The following DUS3L variants were observed in gnomAD, a reference collection of about 807,000 sequenced individuals.
The protein encoded by DUS3L is dihydrouridine synthase 3 like.
A neutral mutation model predicts 74.6 loss-of-function variants in DUS3L; 62 were observed. The ratio of observed to expected loss-of-function variants is 0.83; its 90% CI spans 0.68 to 1.03. The LOEUF (loss-of-function observed/expected upper bound fraction) is 1.03. Among genes scored for constraint, DUS3L ranks in the 50% least tolerant of loss-of-function variants. The pLI is 0.00. For missense variants in DUS3L, 884 were observed against 924.4 expected, an observed-to-expected ratio of 0.96 and a Z score of 0.57; for synonymous variants, 433 against 395.7, an observed-to-expected ratio of 1.09 and a Z score of -1.12.
chr19:5,789,956 G>T (rs764608689), intron 2 of DUS3L, 91 bp downstream of exon 2: 3 of 1,536,668 alleles, frequency 2.0e-6, no homozygotes, highest in Non-Finnish European at 2.7e-6. Context: ...CGTTGCTGAA[G>T]GCCCAGGAGC....
intron 8 of DUS3L, 74 bp from the exon 9 acceptor site, chr19:5,786,919 G>A: frequency 6.6e-7 from 1 of 1,519,386 alleles, no homozygotes; most frequent in Non-Finnish European, 8.8e-7. Flanking sequence ...AGAGAGCCAG[G>A]CTGAGAGAGA....
chr19:5,787,194 G>GGTGGGAGATGGTGGGAGGGC, intron 7 of DUS3L, 23 bp from the exon 8 acceptor site: 2 of 324,628 alleles, frequency 6.2e-6, no homozygotes, highest in South Asian at 4.1e-5. Flanking sequence ...GGTGGGAGGT[G>GGTGGGAGATGGTGGGAGGGC]GTGGGAGATG....
rs748013222 is a variant in DUS3L, at chr19:5,785,253, G to T, written c.1903C>A (p.Pro635Thr). ...TTCGGCAAGAAGGCGAAGCTGGGGG[G>T]CACTGGCCCAAGGAGCATCTCGCTG... Reference protein sequence around the residue: ...RISEMLLGPVPPSFAFLPKHK... With the variant: ...RISEMLLGPVTPSFAFLPKHK... Residue 635 changes from proline to threonine, a missense_variant, in exon 13 of 13, where the codon CCC (proline) becomes ACC (threonine). Pro to Thr is a conservative substitution (Grantham distance 38). Transcript: ENST00000309061. 3 of 1,610,748 alleles carry T rather than the reference G, an allele frequency of 1.9e-6. No homozygotes were observed. The highest frequency in any genetic ancestry group is 1.7e-4 in the Middle Eastern group (1 of 6,052).
intron 1 of DUS3L, 82 bp from the exon 2 acceptor site, chr19:5,790,417 C>T: frequency 6.5e-7 from 1 of 1,534,652 alleles, no homozygotes; most frequent in Non-Finnish European, 8.9e-7. Context: ...ACTTGCACGT[C>T]CTTAAATCCT....
intron 1 of DUS3L, 113 bp from the exon 2 acceptor site, chr19:5,790,448 T>G: frequency 7.5e-7 from 1 of 1,332,356 alleles, no homozygotes; most frequent in Non-Finnish European, 1.0e-6. Context: ...GGGAGCTCAC[T>G]ACTTAAGAAC....
Position 5,787,333 on chromosome 19 carries a change from G to A in DUS3L, c.1241C>T (p.Ser414Phe). 1 of 1,511,982 alleles carries A rather than the reference G, an allele frequency of 6.6e-7. No individual in the cohort carries two copies. 93.7% of individuals were successfully genotyped at this position (1,511,982 alleles called of 1,614,324 possible). Residue 414 changes from serine (S) to phenylalanine (F), a missense_variant, in exon 7 of 13, where the codon TCC (serine) becomes TTC (phenylalanine). Coordinates refer to ENST00000309061, the MANE Select transcript of DUS3L (RefSeq NM_020175.3). ...ACGGACGATCTGCTGGAACTTGGTG[G>A]AGCGATTCATGAGGGCACAGCCCCC... ...KGGGCALMNR[S>F]TKFQQIVRGM...
rs1363737209 is a variant in DUS3L, at chr19:5,785,283, A to C, written c.1881-8T>G. On this transcript the variant is annotated splice_polypyrimidine_tract_variant and splice_region_variant and intron_variant, in intron 12 of 12. Transcript: ENST00000309061. ...GGCCCAAGGAGCATCTCGCTGTGGG[A>C]GAGCAGGTGGAAAGCGAGGTCAGGC... The C allele has an allele frequency of 6.2e-7, 1 of 1,611,044 alleles. No homozygotes were observed. The highest frequency in any genetic ancestry group is 8.5e-7 in the Non-Finnish European group (1 of 1,179,334).
chr19:5,785,895 C>T (rs1161819505), intron 10 of DUS3L, 104 bp from the exon 11 acceptor site: 2 of 1,286,566 alleles, frequency 1.6e-6, no homozygotes, highest in East Asian at 2.6e-5. Flanking sequence ...GACCACAAAA[C>T]CTACAAGCCT....
intron 1 of DUS3L, 34 bp from the exon 2 acceptor site, chr19:5,790,369 A>T (rs767549426): frequency 2.5e-6 from 4 of 1,612,398 alleles, no homozygotes; most frequent in Non-Finnish European, 2.5e-6. Context: ...AACCCTCCGA[A>T]CATAGTCAAT....
Position 5,788,125 on chromosome 19 carries a change from T to A in DUS3L, c.994A>T (p.Thr332Ser). 1 of 1,613,666 alleles carries A rather than the reference T, an allele frequency of 6.2e-7. No individual in the cohort carries two copies. The highest frequency in any genetic ancestry group is 1.1e-5 in the South Asian group (1 of 91,086). ...RICKRFGADV[T>S]CGEMAVCTNL... ...GTGCAGACGGCCATCTCTCCACATG[T>A]CACATCCGCCCCGAAGCGCTTGCAG... The change falls in exon 5 of 13, where the codon ACA becomes TCA. Residue 332 changes from threonine to serine, a missense_variant. By Grantham distance (58) the Thr-to-Ser change is moderately conservative. Coordinates refer to ENST00000309061, the MANE Select transcript of DUS3L (RefSeq NM_020175.3).
At chr19:5,790,016 C>A (rs1462475467) in intron 2 of DUS3L, 31 bp downstream of exon 2, 2 of 1,606,606 alleles carry the variant, frequency 1.2e-6, no homozygotes, top group African/African-American at 1.3e-5. Context: ...CCTGCCTGCC[C>A]CGGCAGGAAT....
Position 5,785,921 on chromosome 19 carries a change from T to C in DUS3L, c.1563-130A>G, listed in dbSNP as rs567889004. On this transcript the variant is annotated intron_variant, in intron 10 of 12. Transcript: ENST00000309061. The stretch of plus-strand genomic sequence containing the variant: ...CTACAAGCCTAGTAAGCCTCCCAGC[T>C]GCATGCACACAACCTTCAAAGCACA... 1.8e-5 allele frequency: 18 copies of C among 975,232 alleles called. No homozygotes were observed. The South Asian group carries it at 3.2e-4, about 17-fold the overall frequency. The allele number at this position is 975,232 out of a possible 1,614,324, so 60.4% of individuals were successfully genotyped here. A position where few individuals can be genotyped will look rare whatever the true frequency, so the allele number is the denominator to read the frequency against.
intron 10 of DUS3L, 75 bp from the exon 11 acceptor site, chr19:5,785,866 T>G: frequency 4.9e-6 from 7 of 1,434,408 alleles, no homozygotes; most frequent in Admixed American, 2.6e-5. Flanking sequence ...TTCCATGGCC[T>G]GGCCTGAGCC....
At chr19:5,787,907 C>T (rs2056869978) in intron 5 of DUS3L, 117 bp downstream of exon 5, 1 of 1,491,876 alleles carries the variant, frequency 6.7e-7, no homozygotes, top group Non-Finnish European at 9.0e-7. Flanking sequence ...GCATCACCCC[C>T]ACTCCACAGC....
chr19:5,787,726 A>C (rs200477164), intron 5 of DUS3L, 21 bp from the exon 6 acceptor site: 105 of 1,610,200 alleles, frequency 6.5e-5, no homozygotes, highest in Admixed American at 4.2e-4. Flanking sequence ...GTAGTGGCAG[A>C]ACAGGAGGGT....
At chr19:5,790,739 G>A (rs1307127120) in intron 1 of DUS3L, 1 of 559,198 alleles carries the variant, frequency 1.8e-6, no homozygotes, top group Non-Finnish European at 3.2e-6. Flanking sequence ...AACGGCCGCT[G>A]GCAGAGCACA....
Position 5,785,602 on chromosome 19 carries a change from C to G in DUS3L, c.1751+1G>C, listed in dbSNP as rs775770770. 6.2e-7 allele frequency: 1 copy of G among 1,601,398 alleles called. No homozygotes were observed. Among genetic ancestry groups the G allele is most frequent in the Admixed American group, 1.7e-5 (1 of 58,684 alleles). On this transcript the variant is annotated splice_donor_variant, in intron 11 of 12. Transcript: ENST00000309061. LOFTEE classifies it high-confidence loss of function. ...CCACCCCAGCCAGCCCCGGTGCCCACCGGCACAGGAAGGACAGCCACTCGA... is the reference window on the plus strand; with the variant it reads ...CCACCCCAGCCAGCCCCGGTGCCCAGCGGCACAGGAAGGACAGCCACTCGA...
chr19:5,785,214 C>A lies in DUS3L; in HGVS notation c.1942G>T (p.Ala648Ser), dbSNP rs773871088. The change falls in exon 13 of 13, where the codon GCG (alanine) becomes TCG (serine). Residue 648 changes from alanine to serine, a missense_variant. Ala to Ser is a moderately conservative substitution (Grantham distance 99, BLOSUM62 1). Coordinates refer to ENST00000309061, the MANE Select transcript of DUS3L (RefSeq NM_020175.3). ...GGGAAAGCCTGAGGCTACTTGTACG[C>A]GTTGGCCTTGTGCTTCGGCAAGAAG... ...FAFLPKHKANAYK is the reference protein window; with the variant it reads ...FAFLPKHKANSYK 2 of 1,607,954 alleles carry A rather than the reference C, an allele frequency of 1.2e-6. No homozygotes were observed. Among genetic ancestry groups the A allele is most frequent in the African/African-American group, 1.3e-5 (1 of 74,884 alleles).
Position 5,786,789 on chromosome 19 carries a change from G to T in DUS3L, c.1446C>A (p.Ile482=). The T allele has an allele frequency of 6.2e-7, 1 of 1,612,210 alleles. No individual in the cohort carries two copies. The highest frequency in any genetic ancestry group is 1.7e-4 in the Middle Eastern group (1 of 6,058). The change falls in exon 9 of 13, where the codon ATC becomes ATA. Residue 482 remains isoleucine, a synonymous_variant. Transcript: ENST00000309061. ...GGCTGGCGGCCTGCACGCACTCCTC[G>T]ATGTACTGCCAGTCGGCTAGCTTGG... ...RYTKLADWQY[I]EECVQAASPM...
Sources: allele counts gnomAD v4.1 joint callset, GRCh38; gene constraint gnomAD v4.1.1; transcripts MANE v1.5; gene names NCBI Gene and HGNC (gene_info 2026-07-23, HGNC 2026-07-21).